Variants in MYT1 observed in about 807,000 individuals in gnomAD.
MYT1 encodes the protein myelin transcription factor I.
A neutral mutation model predicts 123.0 loss-of-function variants in MYT1; 23 were observed. The ratio of observed to expected loss-of-function variants is 0.19; its 90% CI spans 0.13 to 0.26. The LOEUF is 0.26. Among genes scored for constraint, MYT1 ranks in the 10% least tolerant of loss-of-function variants. MYT1 has a pLI of 1.00. For missense variants in MYT1, 1,125 were observed against 1,472.5 expected, an observed-to-expected ratio of 0.76 and a Z score of 3.86; for synonymous variants, 518 against 575.3, an observed-to-expected ratio of 0.90 and a Z score of 1.43.
intron 1 of MYT1, among the ~76,000 whole-genome samples, chr20:64,165,049 A>G (rs1569302386): frequency 6.6e-6 from 1 of 152,004 alleles, no homozygotes; most frequent in Non-Finnish European, 1.5e-5. Flanking sequence ...GCATATCAAA[A>G]CCAGAAACTT....
intron 1 of MYT1, among the ~76,000 whole-genome samples, chr20:64,170,780 C>T (rs1041491111): frequency 1.4e-5 from 2 of 144,020 alleles, no homozygotes; most frequent in East Asian, 2.0e-4. Flanking sequence ...GCCATGTCAC[C>T]GATGCGTCAA....
At chr20:64,172,385 A>G (rs1477617921) in intron 1 of MYT1, among the ~76,000 whole-genome samples, 2 of 152,188 alleles carry the variant, frequency 1.3e-5, no homozygotes, top group Non-Finnish European at 2.9e-5. Context: ...AAGGGCTTTG[A>G]GGCCTGGGGA....
chr20:64,222,076 C>T (rs1984023217), intron 14 of MYT1, 29 bp downstream of exon 14: 1 of 1,610,482 alleles, frequency 6.2e-7, no homozygotes, highest in East Asian at 2.2e-5. Context: ...GGCACAGCTC[C>T]TAGGGGACCC....
rs1036383429 is a variant in MYT1, at chr20:64,196,215, A to G, written c.1-2647A>G. Among the ~76,000 whole-genome samples, 1 of 151,938 alleles carries G rather than the reference A, an allele frequency of 6.6e-6. No homozygotes were observed. The highest frequency in any genetic ancestry group is 1.5e-5 in the Non-Finnish European group (1 of 67,976). On this transcript the variant is annotated intron_variant, in intron 2 of 22. Coordinates refer to ENST00000328439, the MANE Select transcript of MYT1 (RefSeq NM_004535.3). This position sits in a 1 kb window ranked among gnomAD's most constrained non-coding sequence, Gnocchi z 4.3. ...TTGAGAAGTGTTTAATTTTCTTTGCATCATTGAGCTGCCCTTTAGGGCCCA... is the reference window on the plus strand; with the variant it reads ...TTGAGAAGTGTTTAATTTTCTTTGCGTCATTGAGCTGCCCTTTAGGGCCCA...
At chr20:64,227,854 A>C in intron 17 of MYT1, 34 bp from the exon 18 acceptor site, 2 of 1,599,834 alleles carry the variant, frequency 1.3e-6, no homozygotes, top group Non-Finnish European at 1.7e-6. Flanking sequence ...CGGTTCCAGC[A>C]CTAAGGTGGC....
At chr20:64,240,275 G>T (rs747507364) in intron 22 of MYT1, 45 bp from the exon 23 acceptor site, 1 of 1,599,702 alleles carries the variant, frequency 6.3e-7, no homozygotes, top group South Asian at 1.1e-5. Context: ...GCGGTGTGGG[G>T]CCCACTGCAT....
At chr20:64,227,829 G>T in intron 17 of MYT1, 59 bp from the exon 18 acceptor site, 1 of 1,302,744 alleles carries the variant, frequency 7.7e-7, no homozygotes. Flanking sequence ...TGAGATGAAC[G>T]GGTGTGAGAA....
In MYT1 at chr20:64,193,775, T is replaced by G. The variant is rs1032003901; in HGVS notation, c.-1+3615T>G. ...TAGGTCTCTGGGAGGAAAACCATTA[T>G]GCAAGAGGCTCAACCGTCCCACCGA... is the stretch of plus-strand genomic sequence containing the variant. On this transcript the variant is annotated intron_variant, in intron 2 of 22. Transcript: ENST00000328439. This position sits in a 1 kb window ranked among gnomAD's most constrained non-coding sequence, Gnocchi z 4.0. 6.6e-6 allele frequency among the ~76,000 whole-genome samples: 1 copy of G among 151,500 alleles called. No homozygotes were observed.
At chr20:64,234,445 A>G (rs1449728073) in intron 19 of MYT1, among the ~76,000 whole-genome samples, 1 of 152,146 alleles carries the variant, frequency 6.6e-6, no homozygotes, top group Admixed American at 6.5e-5. Flanking sequence ...AGATGAGGTG[A>G]GCTCTGGAGT....
At position 64,207,565 on chromosome 20, in the gene MYT1, G is replaced by T. The variant is rs1601713162; in HGVS notation, c.398-29G>T. The T allele has an allele frequency of 8.1e-6, 13 of 1,597,598 alleles. No individual in the cohort carries two copies. In the East Asian group the frequency reaches 2.9e-4, roughly 36 times the overall value. On this transcript the variant is annotated intron_variant, in intron 6 of 22. Transcript: ENST00000328439. ...CTGGAGTCTTCCCACGTGCTCTCTGGCCCCCACGTTGATTTTGATTTTGTG... is the reference window on the plus strand; with the variant it reads ...CTGGAGTCTTCCCACGTGCTCTCTGTCCCCCACGTTGATTTTGATTTTGTG...
rs763862969 is a variant in MYT1 at position 64,232,197 on chromosome 20, C to T, written c.2709C>T (p.His903=). 1.2e-6 allele frequency: 2 copies of T among 1,612,766 alleles called. No homozygotes were observed. Among genetic ancestry groups the T allele is most frequent in the East Asian group, 2.2e-5 (1 of 44,842 alleles). Residue 903 remains histidine, a synonymous_variant, in exon 19 of 23, where the codon CAC becomes CAT. Transcript: ENST00000328439. This position sits in a 1 kb window ranked among gnomAD's most constrained non-coding sequence, Gnocchi z 6.9. ...TTCCAGGCTGTGTGGGGCTCGGTCA[C>T]ATCAGCGGGAAATACGCCTCTCACA... is the stretch of plus-strand genomic sequence containing the variant. ...CPVPGCVGLG[H]ISGKYASHRS... is the part of the protein sequence containing the mutation.
chr20:64,234,834 C>T (rs1984453642), intron 19 of MYT1, among the ~76,000 whole-genome samples: 1 of 133,900 alleles, frequency 7.5e-6, no homozygotes, highest in South Asian at 2.5e-4. Flanking sequence ...CCCGAGCTGG[C>T]TGTGGTGGGT....
rs1050870167 is a variant in MYT1, at chr20:64,213,737, G to A, written c.1631+90G>A. 21 of 1,037,778 alleles carry A rather than the reference G, an allele frequency of 2.0e-5. No homozygotes were observed. In the Admixed American group the frequency reaches 3.8e-4, roughly 19 times the overall value. 64.3% of individuals were successfully genotyped at this position (1,037,778 alleles called of 1,614,324 possible). The stretch of plus-strand genomic sequence containing the variant: ...TCTCCCGCAGGCTGTATGTGCATGT[G>A]TGTGAGTGCATGTGTGTGAGTGTAC... On this transcript the variant is annotated intron_variant, in intron 10 of 22. Transcript: ENST00000328439. The surrounding 1 kb of genome is among the most constrained non-coding windows in gnomAD (Gnocchi z 5.6).
intron 1 of MYT1, among the ~76,000 whole-genome samples, chr20:64,180,913 G>A (rs796633450): frequency 6.6e-5 from 10 of 152,228 alleles, no homozygotes; most frequent in South Asian, 2.1e-4. Flanking sequence ...TCCCTTACTC[G>A]CGGTTCAATG....
At chr20:64,209,721 A>G (rs6512308) in intron 7 of MYT1, among the ~76,000 whole-genome samples, 19,769 of 152,228 alleles carry the variant, frequency 0.13, 1,384 homozygotes, top group South Asian at 0.17. Context: ...TGAGTGAGAC[A>G]TAATTCAAGG....
In MYT1 at chr20:64,196,226, G is replaced by T. The variant is rs1983115042; in HGVS notation, c.1-2636G>T. ...TTAATTTTCTTTGCATCATTGAGCT[G>T]CCCTTTAGGGCCCAGCTGTCATTGT... On this transcript the variant is annotated intron_variant, in intron 2 of 22. Coordinates refer to ENST00000328439, the MANE Select transcript of MYT1 (RefSeq NM_004535.3). The surrounding 1 kb of genome is among the most constrained non-coding windows in gnomAD (Gnocchi z 4.3). Among the ~76,000 whole-genome samples the T allele has an allele frequency of 6.6e-6, 1 of 152,146 alleles. No individual in the cohort carries two copies. The highest frequency in any genetic ancestry group is 1.5e-5 in the Non-Finnish European group (1 of 68,022).
chr20:64,227,616 C>A, intron 17 of MYT1, 139 bp downstream of exon 17: 1 of 885,588 alleles, frequency 1.1e-6, no homozygotes, highest in Non-Finnish European at 1.7e-6. Flanking sequence ...TTGCCATTTC[C>A]AGAACCTGAT....
rs150277553 is a variant in MYT1 at position 64,208,592 on chromosome 20, G to A, written c.1291+105G>A. ...CTTCTAGGACAGGGGGCTGGGGGAT[G>A]GCAGAAAAGCAGACAAAAGGACAAA... On this transcript the variant is annotated intron_variant, in intron 7 of 22. Transcript: ENST00000328439. The surrounding 1 kb of genome is among the most constrained non-coding windows in gnomAD (Gnocchi z 5.4). The A allele has an allele frequency of 4.1e-6, 6 of 1,457,672 alleles. No individual in the cohort carries two copies. The East Asian group carries it at 1.5e-4, about 36-fold the overall frequency. 90.3% of individuals were successfully genotyped at this position (1,457,672 alleles called of 1,614,324 possible). A position where few individuals can be genotyped will look rare whatever the true frequency, so the allele number is the denominator to read the frequency against.
At chr20:64,227,621 C>T in intron 17 of MYT1, 144 bp downstream of exon 17, 2 of 870,854 alleles carry the variant, frequency 2.3e-6, no homozygotes, top group Non-Finnish European at 3.5e-6. Flanking sequence ...ATTTCCAGAA[C>T]CTGATTAAGT....
Sources: gnomAD v4.1 joint callset for allele counts (sites outside exome capture counted in the v4.1 genomes callset) on GRCh38, gnomAD v4.1.1 for gene constraint, Gnocchi (gnomAD v3.1) non-coding constraint, MANE v1.5 for transcripts, NCBI Gene and HGNC (gene_info 2026-07-23, HGNC 2026-07-21) for gene names.